STAG3: variants seen among roughly 807,000 people sequenced by gnomAD.
The protein encoded by STAG3 is STAG3 cohesin complex component.
A neutral mutation model predicts 160.7 loss-of-function variants in STAG3; 101 were observed. The observed-to-expected ratio is 0.63, with a 90% CI of 0.54 to 0.74. The LOEUF is 0.74. Ranked by LOEUF, STAG3 falls within the 30% of genes least tolerant of loss-of-function variation. The pLI, the probability that STAG3 is intolerant of heterozygous loss-of-function variation, is 0.00. For missense variants in STAG3, 1,188 were observed against 1,517.4 expected, an observed-to-expected ratio of 0.78 and a Z score of 3.61; for synonymous variants, 519 against 585.0, an observed-to-expected ratio of 0.89 and a Z score of 1.63.
chr7:100,180,391 C>T (rs1305336235), intron 1 of STAG3, 102 bp from the exon 2 acceptor site: 2 of 600,606 alleles, frequency 3.3e-6, no homozygotes, highest in South Asian at 1.9e-5. Context: ...CCTCACCTGA[C>T]CCCAGAGTTC....
intron 4 of STAG3, among the ~76,000 whole-genome samples, chr7:100,185,470 C>T (rs185871971): frequency 2.5e-3 from 378 of 151,932 alleles, no homozygotes; most frequent in Non-Finnish European, 4.6e-3. Context: ...GGCGTGGTGG[C>T]GCACACCTGT....
intron 14 of STAG3, 150 bp downstream of exon 14, chr7:100,199,107 C>T: frequency 1.1e-6 from 1 of 879,326 alleles, no homozygotes. Flanking sequence ...CTGGGCAACA[C>T]AGTGAGACCC....
intron 26 of STAG3, 143 bp from the exon 27 acceptor site, chr7:100,204,484 T>G: frequency 1.0e-6 from 1 of 996,952 alleles, no homozygotes; most frequent in Non-Finnish European, 1.4e-6. Flanking sequence ...GTATCGGGAG[T>G]TCCCTAGAAG....
intron 29 of STAG3, 117 bp from the exon 30 acceptor site, chr7:100,210,892 TAA>T: frequency 5.5e-6 from 6 of 1,083,660 alleles, no homozygotes; most frequent in Non-Finnish European, 8.0e-6. Context: ...TGAAGCTGTA[TAA>T]GTTTTCCATT....
intron 21 of STAG3, 56 bp from the exon 22 acceptor site, chr7:100,201,726 GCTAT>G (rs1801151741): frequency 3.0e-5 from 43 of 1,429,838 alleles, no homozygotes; most frequent in Middle Eastern, 1.8e-4. Flanking sequence ...TGTGTTTCTG[GCTAT>G]CTGTCTCTCC....
intron 29 of STAG3, 96 bp downstream of exon 29, chr7:100,205,480 C>CA (rs1801559320): frequency 8.2e-7 from 1 of 1,226,600 alleles, no homozygotes. Context: ...CATCTACTGT[C>CA]ATTCAGGGTA....
At chr7:100,199,235 T>G (rs757919322) in intron 14 of STAG3, 27 bp from the exon 15 acceptor site, 2 of 1,480,172 alleles carry the variant, frequency 1.4e-6, no homozygotes, top group African/African-American at 2.8e-5. Context: ...ATGCTATCAT[T>G]AACTCCCCAT....
In STAG3 at chr7:100,189,122, T is replaced by G. The variant is rs145395771; in HGVS notation, c.715+106T>G. 951 of 1,252,904 alleles carry G rather than the reference T, an allele frequency of 7.6e-4. 10 individuals carry two copies. The East Asian group carries it at 0.021, about 27-fold the overall frequency. The allele number at this position is 1,252,904 out of a possible 1,614,324, so 77.6% of individuals were successfully genotyped here. A position where few individuals can be genotyped will look rare whatever the true frequency, so the allele number is the denominator to read the frequency against. On this transcript the variant is annotated intron_variant, in intron 7 of 33. Transcript: ENST00000615138. ...CCTACCTGCATCTTGGCTCTTCACT[T>G]CAAGGCCATGCCTCTTTTATCCTAA...
At chr7:100,203,546 G>A (rs1039154242) in intron 25 of STAG3, among the ~76,000 whole-genome samples, 3 of 151,340 alleles carry the variant, frequency 2.0e-5, no homozygotes, top group South Asian at 4.2e-4. Context: ...ACGGAATCTC[G>A]CTCTGTCGCC....
downstream of STAG3, among the ~76,000 whole-genome samples, chr7:100,217,581 C>T (rs537020743): frequency 6.6e-6 from 1 of 152,174 alleles, no homozygotes; most frequent in South Asian, 2.1e-4. Flanking sequence ...ACCACCTAGA[C>T]GCGGAGACCA....
rs1801411695 is a variant in STAG3, at chr7:100,204,149, C to T, written c.2802+27C>T. ...TGCGCCCTTCTGCCTTGAGGACATG[C>T]CAGCCCTGTTGTCCCCAAGTCTCTG... On this transcript the variant is annotated intron_variant, in intron 26 of 33. Transcript: ENST00000615138. The T allele has an allele frequency of 2.5e-6, 4 of 1,575,378 alleles. No homozygotes were observed. In the Admixed American group the frequency reaches 5.0e-5, roughly 20 times the overall value.
At chr7:100,213,135 TG>T in intron 32 of STAG3, 1 of 199,822 alleles carries the variant, frequency 5.0e-6, no homozygotes, top group Non-Finnish European at 9.2e-6. Flanking sequence ...TATCCTCACC[TG>T]GAGGAGAAAC....
In STAG3 at chr7:100,205,281, C is replaced by A. The variant is rs765766312; in HGVS notation, c.3135C>A (p.Pro1045=). The A allele has an allele frequency of 6.2e-7, 1 of 1,614,188 alleles. No homozygotes were observed. The highest frequency in any genetic ancestry group is 2.2e-5 in the East Asian group (1 of 44,886). ...LQHVSQAPGH[P]WGPVTTYCHS... ...ATGTCTCCCAGGCACCTGGCCATCC[C>A]TGGGGCCCAGTCACCACCTACTGCC... The change falls in exon 29 of 34, where the codon CCC becomes CCA. Residue 1045 remains proline (P), a synonymous_variant. Transcript: ENST00000615138.
chr7:100,216,999 T>C (rs983061469), downstream of STAG3, among the ~76,000 whole-genome samples: 1 of 152,076 alleles, frequency 6.6e-6, no homozygotes, highest in African/African-American at 2.4e-5. Flanking sequence ...AGGCATTGTC[T>C]GGGAGCACAA....
chr7:100,187,350 G>A (rs1201571982), intron 5 of STAG3, among the ~76,000 whole-genome samples: 3 of 150,036 alleles, frequency 2.0e-5, no homozygotes, highest in Non-Finnish European at 1.5e-5. Context: ...TTTTTTTGTC[G>A]TTGTTGTTGT....
At chr7:100,214,960 C>T (rs896961609), downstream of STAG3, 15 of 152,082 alleles carry the variant, frequency 9.9e-5, no homozygotes, top group African/African-American at 3.6e-4. Flanking sequence ...TTGTCACCAT[C>T]GTCTCTCACC....
Position 100,202,223 on chromosome 7 carries a change from G to T in STAG3, c.2446G>T (p.Val816Phe). The stretch of plus-strand genomic sequence containing the variant: ...TCTCATCTTTAGCCCTCAGATGATT[G>T]TTGGGGGCCGTGATTTCCTTAGGCC... ...LLLIFSPQMI[V>F]GGRDFLRPLV... is the part of the protein sequence containing the mutation. The change falls in exon 24 of 34, where the codon GTT (valine) becomes TTT (phenylalanine). Residue 816 changes from valine to phenylalanine, a missense_variant. Around this residue, in one of 4 missense-constraint regions of STAG3, gnomAD observed 647 missense variants for 717.2 expected, o/e 0.90. Transcript: ENST00000615138. The T allele has an allele frequency of 6.2e-7, 1 of 1,614,060 alleles. No individual in the cohort carries two copies. Among genetic ancestry groups the T allele is most frequent in the Non-Finnish European group, 8.5e-7 (1 of 1,180,012 alleles).
intron 25 of STAG3, 111 bp from the exon 26 acceptor site, chr7:100,203,910 G>A (rs1584743667): frequency 1.5e-6 from 1 of 681,834 alleles, no homozygotes; most frequent in South Asian, 1.7e-5. Context: ...TTCAGTTCAT[G>A]TTTCCTACCT....
rs149994086 is a variant in STAG3 at position 100,204,077 on chromosome 7, T to A, written c.2757T>A (p.Ile919=). 9.9e-6 allele frequency: 16 copies of A among 1,614,024 alleles called. No homozygotes were observed. The African/African-American group carries it at 1.6e-4, about 16-fold the overall frequency. ...AAACATTAACTAGAGCAAGGCAGATTGACCGAAGTCATTGTTCCCGAATCC... is the reference window on the plus strand; with the variant it reads ...AAACATTAACTAGAGCAAGGCAGATAGACCGAAGTCATTGTTCCCGAATCC... The part of the protein sequence containing the change: ...IKETLTRARQ[I]DRSHCSRILL... Residue 919 remains isoleucine (I), a synonymous_variant, in exon 26 of 34, where the codon ATT becomes ATA. Coordinates refer to ENST00000615138, the MANE Select transcript of STAG3 (RefSeq NM_001282717.2).
Sources: gnomAD v4.1 joint callset for allele counts (sites outside exome capture counted in the v4.1 genomes callset) on GRCh38, gnomAD v4.1.1 for gene constraint, gnomAD v4.1.1 regional missense constraint, MANE v1.5 for transcripts, NCBI Gene and HGNC (gene_info 2026-07-23, HGNC 2026-07-21) for gene names.